CMAS: variants seen among roughly 807,000 people sequenced by gnomAD.
CMAS encodes cytidine monophosphate N-acetylneuraminic acid synthetase.
In CMAS, 21 loss-of-function variants were observed where a neutral mutation model predicts 53.4. The observed-to-expected ratio is 0.39, with a 90% CI of 0.28 to 0.57. The LOEUF (loss-of-function observed/expected upper bound fraction) is 0.57. Among genes scored for constraint, CMAS ranks in the 20% least tolerant of loss-of-function variants. The pLI, the probability that CMAS is intolerant of heterozygous loss-of-function variation, is 0.56. For missense variants in CMAS, 384 were observed against 534.9 expected, an observed-to-expected ratio of 0.72 and a Z score of 2.78; for synonymous variants, 189 against 195.2, an observed-to-expected ratio of 0.97 and a Z score of 0.27.
chr12:22,062,244 C>T, intron 6 of CMAS, 37 bp from the exon 7 acceptor site: 1 of 1,532,852 alleles, frequency 6.5e-7, no homozygotes, highest in Non-Finnish European at 8.7e-7. Context: ...TTAATTTTTC[C>T]CTTCTTCCTC....
chr12:22,060,237 A>G (rs757417577), intron 4 of CMAS, among the ~76,000 whole-genome samples: 26 of 151,328 alleles, frequency 1.7e-4, no homozygotes, highest in African/African-American at 4.1e-4. Context: ...GCTTTTTTCA[A>G]TATTAAAATA....
At chr12:22,053,197 A>G (rs1438096434) in intron 1 of CMAS, among the ~76,000 whole-genome samples, 1 of 152,012 alleles carries the variant, frequency 6.6e-6, no homozygotes, top group Non-Finnish European at 1.5e-5. Context: ...AGCCTAAGGC[A>G]TGAGAATCGC....
At chr12:22,063,198 C>G (rs576804060) in intron 7 of CMAS, among the ~76,000 whole-genome samples, 1 of 152,172 alleles carries the variant, frequency 6.6e-6, no homozygotes, top group Non-Finnish European at 1.5e-5. Context: ...TGCATAATAA[C>G]TATAAATCAT....
At position 22,061,466 on chromosome 12, in the gene CMAS, G is replaced by C; in HGVS notation, c.960+14G>C. ...AGTGGTATTGAGGTATGTGCTCCCT[G>C]AATATAGCAGTATTTTATAATATTT... On this transcript the variant is annotated intron_variant, in intron 6 of 7. Coordinates refer to ENST00000229329, the MANE Select transcript of CMAS (RefSeq NM_018686.6). 1 of 1,485,700 alleles carries C rather than the reference G, an allele frequency of 6.7e-7. No homozygotes were observed. Among genetic ancestry groups the C allele is most frequent in the Non-Finnish European group, 9.1e-7 (1 of 1,094,498 alleles). The allele number at this position is 1,485,700 out of a possible 1,614,324, so 92.0% of individuals were successfully genotyped here. A position where few individuals can be genotyped will look rare whatever the true frequency, so the allele number is the denominator to read the frequency against.
rs1591791092 is a variant in CMAS at position 22,046,496 on chromosome 12, C to G, written c.193C>G (p.His65Asp). 6.2e-7 allele frequency: 1 copy of G among 1,608,672 alleles called. No homozygotes were observed. Among genetic ancestry groups the G allele is most frequent in the South Asian group, 1.1e-5 (1 of 89,808 alleles). ...SKGIPLKNIK[H>D]LAGVPLIGWV... ...AGGCATCCCCCTGAAGAACATTAAG[C>G]ACCTGGCGGGGGTCCCGCTCATTGG... is the stretch of plus-strand genomic sequence containing the variant. The change falls in exon 1 of 8, where the codon CAC becomes GAC. Residue 65 changes from histidine to aspartate, a missense_variant. This residue lies in a region of CMAS where 111 missense variants were observed against 132.2 expected (regional missense o/e 0.84). Transcript: ENST00000229329.
chr12:22,047,070 TCTTTTCCTAACCTTTGAAAAATACTCCAG>T (rs1360161991), intron 1 of CMAS, among the ~76,000 whole-genome samples: 1 of 152,148 alleles, frequency 6.6e-6, no homozygotes, highest in African/African-American at 2.4e-5. Context: ...AGCTTGGAGA[TCTTTTCCTAACCTTTGAAAAATACTCCAG>T]CTATCTTCCT....
chr12:22,049,904 CAA>C (rs11354131), intron 1 of CMAS, among the ~76,000 whole-genome samples: 2,653 of 141,672 alleles, frequency 0.019, 38 homozygotes, highest in Middle Eastern at 0.051. Flanking sequence ...GACTCTGTCT[CAA>C]AAAAAAAAAA....
intron 1 of CMAS, among the ~76,000 whole-genome samples, chr12:22,052,403 ACCT>A (rs1950243127): frequency 6.6e-6 from 1 of 152,052 alleles, no homozygotes; most frequent in South Asian, 2.1e-4. Context: ...AGAAAAGCAA[ACCT>A]CCTCCAAAAT....
rs369791759 is a variant in CMAS at position 22,053,038 on chromosome 12, A to G, written c.261-2111A>G. The stretch of plus-strand genomic sequence containing the variant: ...GCCGAGCGTGGTGGCTTACACCTGT[A>G]ATCCTAGCATTTTGGGAGGCTGAGG... On this transcript the variant is annotated intron_variant, in intron 1 of 7. Transcript: ENST00000229329. Among the ~76,000 whole-genome samples the G allele has an allele frequency of 4.6e-5, 7 of 152,282 alleles. No homozygotes were observed. The East Asian group carries it at 1.4e-3, about 29-fold the overall frequency.
intron 7 of CMAS, 49 bp from the exon 8 acceptor site, chr12:22,065,072 T>A: frequency 1.3e-6 from 2 of 1,481,482 alleles, no homozygotes; most frequent in Non-Finnish European, 1.9e-6. Context: ...TTAGCTAGAA[T>A]ATTCTTTGTC....
At position 22,046,329 on chromosome 12, in the gene CMAS, C is replaced by G; in HGVS notation, c.26C>G (p.Ala9Gly). MDSVEKGA[A>G]TSVSNPRGRP... is the part of the protein sequence containing the mutation. ...ATGGACTCGGTGGAGAAGGGGGCCG[C>G]CACCTCCGTCTCCAACCCGCGGGGG... The change falls in exon 1 of 8, where the codon GCC becomes GGC. Residue 9 changes from alanine (A) to glycine (G), a missense_variant. Physicochemically the swap from Ala to Gly is moderately conservative, Grantham distance 60. This residue lies in a region of CMAS where 111 missense variants were observed against 132.2 expected (regional missense o/e 0.84). Coordinates refer to ENST00000229329, the MANE Select transcript of CMAS (RefSeq NM_018686.6). 1.3e-6 allele frequency: 2 copies of G among 1,493,570 alleles called. No individual in the cohort carries two copies. The highest frequency in any genetic ancestry group is 1.8e-6 in the Non-Finnish European group (2 of 1,121,126). 92.5% of individuals were successfully genotyped at this position (1,493,570 alleles called of 1,614,324 possible).
chr12:22,059,303 T>C (rs1337631287), intron 4 of CMAS, among the ~76,000 whole-genome samples: 3 of 151,944 alleles, frequency 2.0e-5, no homozygotes, highest in African/African-American at 7.2e-5. Flanking sequence ...CATATATTTC[T>C]TAACTTGTTA....
rs1206966260 is a variant in CMAS, at chr12:22,055,029, TATC to T, written c.261-117_261-115del. The T allele has an allele frequency of 9.6e-5, 60 of 626,274 alleles. No homozygotes were observed. In the East Asian group the frequency reaches 1.8e-3, roughly 19 times the overall value. 38.8% of individuals were successfully genotyped at this position (626,274 alleles called of 1,614,324 possible). The stretch of plus-strand genomic sequence containing the variant: ...TACTCCTTTGGATCTGTAACATTAT[TATC>T]ATTGTGCAAAAAATATTCTCACATT... On this transcript the variant is annotated intron_variant, in intron 1 of 7. Coordinates refer to ENST00000229329, the MANE Select transcript of CMAS (RefSeq NM_018686.6).
At chr12:22,059,200 C>T (rs1195816716) in intron 4 of CMAS, among the ~76,000 whole-genome samples, 1 of 146,578 alleles carries the variant, frequency 6.8e-6, no homozygotes, top group Non-Finnish European at 1.5e-5. Context: ...ACTATGTAAG[C>T]TTGAATATGT....
intron 4 of CMAS, among the ~76,000 whole-genome samples, chr12:22,059,986 A>G (rs1204915421): frequency 2.0e-5 from 3 of 152,144 alleles, no homozygotes; most frequent in Admixed American, 6.5e-5. Flanking sequence ...TGTGACTTGG[A>G]TGACTATTAG....
chr12:22,060,329 T>G (rs765459574), intron 4 of CMAS, among the ~76,000 whole-genome samples: 15 of 45,464 alleles, frequency 3.3e-4, no homozygotes, highest in Non-Finnish European at 5.0e-4. Flanking sequence ...GTGAGCTTTC[T>G]CCTTAAAAAA....
intron 3 of CMAS, 115 bp from the exon 4 acceptor site, chr12:22,058,452 C>A: frequency 3.5e-6 from 3 of 852,312 alleles, no homozygotes; most frequent in Non-Finnish European, 5.4e-6. Flanking sequence ...AGTTCTTTAT[C>A]TAGATAAAGA....
intron 3 of CMAS, among the ~76,000 whole-genome samples, chr12:22,057,827 CTTT>C (rs749650668): frequency 1.4e-5 from 2 of 139,966 alleles, no homozygotes; most frequent in African/African-American, 2.6e-5. Flanking sequence ...TAAAAAAGTT[CTTT>C]TTTTTTTTTT....
chr12:22,065,017 T>G (rs1950336883), intron 7 of CMAS, 104 bp from the exon 8 acceptor site: 2 of 815,486 alleles, frequency 2.5e-6, no homozygotes, highest in East Asian at 2.4e-5. Context: ...CCCCTAGGTC[T>G]TACTGAAGTT....
Sources: gnomAD v4.1 joint callset for allele counts (sites outside exome capture counted in the v4.1 genomes callset) on GRCh38, gnomAD v4.1.1 for gene constraint, gnomAD v4.1.1 regional missense constraint, MANE v1.5 for transcripts, NCBI Gene and HGNC (gene_info 2026-07-23, HGNC 2026-07-21) for gene names.